RMST: variants seen among roughly 807,000 people sequenced by gnomAD.
RMST encodes rhabdomyosarcoma 2 associated transcript, also known as long intergenic non-protein coding RNA 54.
At chr12:97,553,220 TAATA>T (rs879667018) in intron 11 of RMST, among the ~76,000 whole-genome samples, 3,526 of 152,302 alleles carry the variant, frequency 0.023, 72 homozygotes, top group East Asian at 0.12. Flanking sequence ...TTGCCTGTGA[TAATA>T]ACAAAATAGC....
chr12:97,550,587 C>G (rs914798519), intron 11 of RMST, among the ~76,000 whole-genome samples: 19 of 152,034 alleles, frequency 1.2e-4, no homozygotes, highest in African/African-American at 3.9e-4. Context: ...TTCATAGATT[C>G]CTGTCAGTAA....
chr12:97,504,114 G>A (rs536219005), intron 10 of RMST, among the ~76,000 whole-genome samples: 9 of 152,028 alleles, frequency 5.9e-5, no homozygotes, highest in East Asian at 2.0e-4. Flanking sequence ...AGGCGGTCTC[G>A]GACTCCTGGC....
chr12:97,494,324 C>T (rs1877172178), intron 8 of RMST, among the ~76,000 whole-genome samples: 1 of 152,064 alleles, frequency 6.6e-6, no homozygotes, highest in Admixed American at 6.6e-5. Flanking sequence ...TGACAAATTA[C>T]CATCTTGCTT....
At chr12:97,488,082 A>G (rs1157887249) in intron 5 of RMST, among the ~76,000 whole-genome samples, 2 of 152,120 alleles carry the variant, frequency 1.3e-5, no homozygotes, top group Non-Finnish European at 2.9e-5. Context: ...TAGCTATCCC[A>G]TTTCAGGATG....
chr12:97,467,081 G>C (rs1873279267), intron 5 of RMST, among the ~76,000 whole-genome samples: 1 of 151,882 alleles, frequency 6.6e-6, no homozygotes. Context: ...TACTTTGCTT[G>C]GTTTTACTTT....
chr12:97,463,527 G>A (rs1872823122), intron 4 of RMST, among the ~76,000 whole-genome samples: 2 of 152,154 alleles, frequency 1.3e-5, no homozygotes, highest in South Asian at 2.1e-4. Context: ...TATTCAGCAC[G>A]CTGTTTAAAT....
intron 5 of RMST, chr12:97,483,392 G>A (rs986757733): frequency 1.3e-5 from 2 of 152,166 alleles, no homozygotes; most frequent in African/African-American, 4.8e-5. Context: ...AATGTGGGCT[G>A]ACAGCAAGAT....
intron 5 of RMST, among the ~76,000 whole-genome samples, chr12:97,477,899 G>C (rs781760782): frequency 7.2e-5 from 11 of 152,198 alleles, no homozygotes; most frequent in Non-Finnish European, 1.6e-4. Context: ...TGTCTAGGGA[G>C]ACACGGCAGA....
intron 5 of RMST, among the ~76,000 whole-genome samples, chr12:97,470,840 C>T (rs1003177471): frequency 2.0e-5 from 3 of 152,026 alleles, no homozygotes; most frequent in Admixed American, 6.6e-5. Context: ...ACCCACCACT[C>T]CCCAAAAAAG....
intron 11 of RMST, among the ~76,000 whole-genome samples, chr12:97,549,668 C>T (rs1883180927): frequency 6.6e-6 from 1 of 152,174 alleles, no homozygotes; most frequent in Non-Finnish European, 1.5e-5. Context: ...TTCACAAACT[C>T]AATGAGGCAG....
intron 10 of RMST, among the ~76,000 whole-genome samples, chr12:97,504,287 G>A (rs751511968): frequency 2.0e-5 from 3 of 151,650 alleles, no homozygotes; most frequent in Admixed American, 6.6e-5. Flanking sequence ...GCCTGTAGTC[G>A]CAGATACTTG....
chr12:97,479,825 A>G (rs998022319), intron 5 of RMST, among the ~76,000 whole-genome samples: 3 of 152,232 alleles, frequency 2.0e-5, no homozygotes, highest in Non-Finnish European at 4.4e-5. Flanking sequence ...TCTTGTCTGC[A>G]GTTCAGACTC....
chr12:97,536,133 C>T (rs564517476), intron 11 of RMST, among the ~76,000 whole-genome samples: 18 of 151,470 alleles, frequency 1.2e-4, no homozygotes, highest in Middle Eastern at 3.4e-3. Context: ...ATAATTCCTG[C>T]TCTTGAAACT....
chr12:97,540,935 G>GAGTT (rs1882446031), intron 11 of RMST, among the ~76,000 whole-genome samples: 3 of 113,028 alleles, frequency 2.7e-5, no homozygotes, highest in African/African-American at 6.8e-5. Context: ...AATAGATAGA[G>GAGTT]AGATAGATAG....
At chr12:97,518,632 A>G (rs758163464) in intron 10 of RMST, among the ~76,000 whole-genome samples, 25 of 152,206 alleles carry the variant, frequency 1.6e-4, no homozygotes, top group Non-Finnish European at 3.4e-4. Flanking sequence ...ATCTTGAGAC[A>G]GACTGAATCA....
In RMST at chr12:97,559,532, C is replaced by T. The variant is rs1450611179; in HGVS notation, n.1546-1005C>T. On this transcript the variant is annotated intron_variant and non_coding_transcript_variant, in intron 11 of 13. Coordinates refer to ENST00000640149, the Ensembl canonical transcript of RMST. Reference sequence around the variant, plus strand: ...TGGCAAGGCAATATATCCATATAGACCTAGATCATAAACGCCATGGTCTAT... The same window carrying T: ...TGGCAAGGCAATATATCCATATAGATCTAGATCATAAACGCCATGGTCTAT... 2.0e-5 allele frequency among the ~76,000 whole-genome samples: 3 copies of T among 151,914 alleles called. No individual in the cohort carries two copies. The East Asian group carries it at 5.8e-4, about 29-fold the overall frequency.
intron 11 of RMST, among the ~76,000 whole-genome samples, chr12:97,531,211 G>A (rs1319627175): frequency 2.0e-5 from 3 of 151,818 alleles, no homozygotes; most frequent in Non-Finnish European, 2.9e-5. Flanking sequence ...TGTAAAAGCC[G>A]TTGCTCTGCT....
At position 97,476,274 on chromosome 12, in the gene RMST, G is replaced by A. The variant is rs145761720; in HGVS notation, n.644+10547G>A. ...TAAAAAAAAGAGAATGATTTACTGG[G>A]AATTTAAAAGTTTCATTCTACTGTG... is the stretch of plus-strand genomic sequence containing the variant. On this transcript the variant is annotated intron_variant and non_coding_transcript_variant, in intron 5 of 13. Coordinates refer to ENST00000640149, the Ensembl canonical transcript of RMST. Among the ~76,000 whole-genome samples the A allele has an allele frequency of 3.9e-3, 596 of 152,234 alleles. 3 individuals are homozygous for A. Among genetic ancestry groups the A allele is most frequent in the African/African-American group, 0.013 (559 of 41,544 alleles).
intron 5 of RMST, among the ~76,000 whole-genome samples, chr12:97,474,268 G>C (rs1874265390): frequency 6.6e-6 from 1 of 152,072 alleles, no homozygotes; most frequent in South Asian, 2.1e-4. Flanking sequence ...GTGTCTTTGG[G>C]AAGCAAGGTT....
Sources: allele counts gnomAD v4.1 joint callset (sites outside exome capture counted in the v4.1 genomes callset), GRCh38; gene constraint gnomAD v4.1.1; transcripts MANE v1.5; gene names NCBI Gene and HGNC (gene_info 2026-07-23, HGNC 2026-07-21).